Variants in GRM8 observed in about 807,000 individuals in gnomAD.
The protein encoded by GRM8 is glutamate metabotropic receptor 8.
A neutral mutation model predicts 87.2 loss-of-function variants in GRM8; 47 were observed. The ratio of observed to expected loss-of-function variants is 0.54; its 90% CI spans 0.43 to 0.69. GRM8 has a LOEUF of 0.69. Among genes scored for constraint, GRM8 ranks in the 30% least tolerant of loss-of-function variants. The probability of loss-of-function intolerance (pLI) is 0.00; values close to 1 mark genes in which losing one functional copy is unlikely to be tolerated. For missense variants in GRM8, 1,019 were observed against 1,139.2 expected (o/e 0.89, Z 1.52); for synonymous variants, 396 against 404.5 (o/e 0.98, Z 0.25).
chr7:126,533,325 G>A lies in GRM8; in HGVS notation c.2057C>T (p.Ala686Val), dbSNP rs1815152035. ...AGATGCTGGACTAATGAACTTGGGC[G>A]CTGTGACAGATTTCTTCCCCTGCTC... ...IFEQGKKSVT[A>V]PKFISPASQL... The change falls in exon 9 of 11, where the codon GCG becomes GTG. Residue 686 changes from alanine (A) to valine (V), a missense_variant. Physicochemically the swap from Ala to Val is moderately conservative, Grantham distance 64 (BLOSUM62 0). Coordinates refer to ENST00000339582, the MANE Select transcript of GRM8 (RefSeq NM_000845.3). 14 of 1,613,666 alleles carry A rather than the reference G, an allele frequency of 8.7e-6. No homozygotes were observed. The highest frequency in any genetic ancestry group is 1.3e-5 in the African/African-American group (1 of 74,974).
At chr7:126,874,309 C>T (rs1799361081) in intron 6 of GRM8, among the ~76,000 whole-genome samples, 1 of 151,972 alleles carries the variant, frequency 6.6e-6, no homozygotes, top group African/African-American at 2.4e-5. Context: ...TCAGATGTGA[C>T]TTATATAAGT....
At chr7:126,608,557 G>A (rs1338925302) in intron 8 of GRM8, among the ~76,000 whole-genome samples, 8 of 152,068 alleles carry the variant, frequency 5.3e-5, no homozygotes, top group African/African-American at 1.9e-4. Context: ...AATGGACACT[G>A]GACCTGAAGA....
At chr7:126,511,713 C>T (rs186185397) in intron 9 of GRM8, 5 of 152,088 alleles carry the variant, frequency 3.3e-5, no homozygotes, top group Non-Finnish European at 5.9e-5. Flanking sequence ...AGAAAACTGT[C>T]GAGAAAATAT....
intron 8 of GRM8, among the ~76,000 whole-genome samples, chr7:126,544,366 T>C (rs1425333074): frequency 1.3e-5 from 2 of 152,148 alleles, no homozygotes; most frequent in South Asian, 2.1e-4. Flanking sequence ...ACTAAACTTA[T>C]CGTTTCCTAA....
Position 126,533,831 on chromosome 7 carries a change from G to A in GRM8, c.1551C>T (p.Ser517=), listed in dbSNP as rs996585769. 3.1e-6 allele frequency: 5 copies of A among 1,613,924 alleles called. No homozygotes were observed. The highest frequency in any genetic ancestry group is 3.3e-5 in the Admixed American group (2 of 59,994). The part of the protein sequence containing the change: ...REHTHPASVC[S]LPCKPGERKK... ...TCCTCTCCCCTGGCTTACACGGCAG[G>A]CTGCAGACAGACGCCGGGTGAGTAT... Residue 517 remains serine, a synonymous_variant, in exon 9 of 11, where the codon AGC becomes AGT. Transcript: ENST00000339582.
At chr7:126,846,969 TA>T (rs1445089001) in intron 6 of GRM8, among the ~76,000 whole-genome samples, 7 of 152,192 alleles carry the variant, frequency 4.6e-5, no homozygotes, top group Non-Finnish European at 1.0e-4. Context: ...AATATAATCA[TA>T]AGAAAGGCAT....
rs551665398 is a variant in GRM8 at position 127,208,709 on chromosome 7, C to T, written c.510+33986G>A. ...CACCTTGCTTGTTCATCTCAACTCT[C>T]GCAGATCTGCCACTTTCTTCAGTCC... On this transcript the variant is annotated intron_variant, in intron 2 of 10. Transcript: ENST00000339582. Among the ~76,000 whole-genome samples the T allele has an allele frequency of 1.7e-4, 26 of 152,298 alleles. No homozygotes were observed. In the South Asian group the frequency reaches 5.4e-3, roughly 32 times the overall value.
chr7:127,133,435 T>A (rs1827791831), intron 2 of GRM8, among the ~76,000 whole-genome samples: 1 of 148,684 alleles, frequency 6.7e-6, no homozygotes, highest in Non-Finnish European at 1.5e-5. Flanking sequence ...ACCACAACCC[T>A]GTCTCTAAAA....
chr7:126,892,536 T>A (rs1325949460), intron 6 of GRM8, among the ~76,000 whole-genome samples: 1 of 152,122 alleles, frequency 6.6e-6, no homozygotes, highest in East Asian at 1.9e-4. Context: ...CAGTCTATCA[T>A]TGTTGGACAT....
intron 3 of GRM8, among the ~76,000 whole-genome samples, chr7:127,013,135 C>T (rs1322707922): frequency 1.3e-5 from 2 of 152,152 alleles, no homozygotes; most frequent in Non-Finnish European, 2.9e-5. Flanking sequence ...CCCAAAGTTA[C>T]CCTGATATCC....
chr7:126,776,588 A>T (rs28622546), intron 6 of GRM8, among the ~76,000 whole-genome samples: 2,927 of 152,328 alleles, frequency 0.019, 97 homozygotes, highest in African/African-American at 0.067. Flanking sequence ...TAGAGTAATC[A>T]CATACCAATA....
At chr7:126,443,040 C>T (rs1056822575) in intron 10 of GRM8, among the ~76,000 whole-genome samples, 6 of 151,958 alleles carry the variant, frequency 3.9e-5, no homozygotes, top group African/African-American at 1.4e-4. Flanking sequence ...TGAATATGCT[C>T]ATATGAAAAT....
chr7:126,704,860 C>G (rs1346674661), intron 7 of GRM8, among the ~76,000 whole-genome samples: 1 of 152,126 alleles, frequency 6.6e-6, no homozygotes, highest in Non-Finnish European at 1.5e-5. Flanking sequence ...TTAATTTCAC[C>G]CCGTCCTGTC....
At chr7:126,615,596 C>T (rs1266258274) in intron 7 of GRM8, among the ~76,000 whole-genome samples, 4 of 152,108 alleles carry the variant, frequency 2.6e-5, no homozygotes, top group Non-Finnish European at 5.9e-5. Flanking sequence ...GATAAAGAGT[C>T]AAGACTGATC....
intron 6 of GRM8, among the ~76,000 whole-genome samples, chr7:126,896,493 T>C (rs1281419564): frequency 1.3e-5 from 2 of 152,144 alleles, no homozygotes; most frequent in Non-Finnish European, 2.9e-5. Flanking sequence ...GATGACTACC[T>C]ACTTCCTTCA....
intron 3 of GRM8, among the ~76,000 whole-genome samples, chr7:127,024,380 G>A (rs571818884): frequency 2.0e-5 from 3 of 152,094 alleles, no homozygotes; most frequent in African/African-American, 7.2e-5. Flanking sequence ...CACCATCAGG[G>A]GTTTCCACTG....
chr7:127,098,571 A>C (rs1264567751), intron 3 of GRM8, among the ~76,000 whole-genome samples: 1 of 151,754 alleles, frequency 6.6e-6, no homozygotes, highest in Non-Finnish European at 1.5e-5. Flanking sequence ...TTATTGCTTG[A>C]CCCTCACAAA....
chr7:126,677,270 C>T (rs1363871844), intron 7 of GRM8, among the ~76,000 whole-genome samples: 1 of 151,846 alleles, frequency 6.6e-6, no homozygotes, highest in East Asian at 1.9e-4. Context: ...ACTAGTACAG[C>T]CTCTATAGAA....
intron 7 of GRM8, among the ~76,000 whole-genome samples, chr7:126,653,904 T>A (rs1049362616): frequency 1.3e-5 from 2 of 152,150 alleles, no homozygotes; most frequent in Non-Finnish European, 2.9e-5. Flanking sequence ...CTATTTCAAA[T>A]AATAGAAAAG....
Sources: allele counts gnomAD v4.1 joint callset (sites outside exome capture counted in the v4.1 genomes callset), GRCh38; gene constraint gnomAD v4.1.1; transcripts MANE v1.5; gene names NCBI Gene and HGNC (gene_info 2026-07-23, HGNC 2026-07-21).